TMC7: variants seen among roughly 807,000 people sequenced by gnomAD.
TMC7 encodes the protein transmembrane channel-like protein 7.
A neutral mutation model predicts 82.9 loss-of-function variants in TMC7; 54 were observed. That is an observed-to-expected ratio of 0.65 (90% confidence interval 0.52 to 0.82). TMC7 has a LOEUF of 0.82. Ranked by LOEUF, TMC7 falls within the 40% of genes least tolerant of loss-of-function variation. TMC7 has a pLI of 0.00. For missense variants in TMC7, 820 were observed against 901.2 expected (o/e 0.91, Z 1.15); for synonymous variants, 350 against 337.9 (o/e 1.04, Z -0.39).
intron 12 of TMC7, among the ~76,000 whole-genome samples, chr16:19,047,845 C>A (rs958203984): frequency 6.7e-6 from 1 of 150,254 alleles, no homozygotes; most frequent in Admixed American, 6.7e-5. Flanking sequence ...TCCTGAGTAG[C>A]TGGGATTACA....
intron 1 of TMC7, among the ~76,000 whole-genome samples, chr16:18,995,770 G>A (rs1292258569): frequency 1.3e-5 from 2 of 152,170 alleles, no homozygotes; most frequent in Non-Finnish European, 2.9e-5. Flanking sequence ...CACCTTGAAA[G>A]CGAGGTTAAT....
intron 9 of TMC7, among the ~76,000 whole-genome samples, chr16:19,041,206 C>G (rs1165196917): frequency 6.6e-6 from 1 of 151,408 alleles, no homozygotes; most frequent in African/African-American, 2.4e-5. Context: ...TCAAAGTTTT[C>G]AAACAGAATG....
At chr16:19,034,458 C>T (rs569638790) in intron 6 of TMC7, among the ~76,000 whole-genome samples, 6 of 148,120 alleles carry the variant, frequency 4.1e-5, no homozygotes, top group East Asian at 3.9e-4. Context: ...ATTAGCTGGG[C>T]GTGGTGGCAG....
chr16:19,023,321 T>C, intron 5 of TMC7, 126 bp downstream of exon 5: 1 of 521,794 alleles, frequency 1.9e-6, no homozygotes, highest in Non-Finnish European at 3.4e-6. Context: ...CATGTACCAG[T>C]AAATGAAACA....
intron 1 of TMC7, among the ~76,000 whole-genome samples, chr16:19,001,796 A>G (rs2039145783): frequency 6.6e-6 from 1 of 152,250 alleles, no homozygotes; most frequent in African/African-American, 2.4e-5. Flanking sequence ...ATCAAAGCAC[A>G]GAGCAAGTCT....
chr16:19,057,597 C>T (rs1961831246), intron 14 of TMC7, among the ~76,000 whole-genome samples: 1 of 152,248 alleles, frequency 6.6e-6, no homozygotes, highest in Admixed American at 6.5e-5. Flanking sequence ...GACTCAAATT[C>T]GTAGGATCCA....
Position 19,056,565 on chromosome 16 carries a change from G to A in TMC7, c.1895G>A (p.Gly632Glu). 1 of 1,613,998 alleles carries A rather than the reference G, an allele frequency of 6.2e-7. No individual in the cohort carries two copies. Among genetic ancestry groups the A allele is most frequent in the Non-Finnish European group, 8.5e-7 (1 of 1,179,962 alleles). Residue 632 changes from glycine (G) to glutamate (E), a missense_variant, in exon 14 of 16, where the codon GGG becomes GAG. Coordinates refer to ENST00000304381, the MANE Select transcript of TMC7 (RefSeq NM_024847.4). ...ISRIPSSKAC[G>E]PFTNFNTTWE... ...AGCATCCCTTCCTCGAAAGCCTGTG[G>A]GCCGTTCACCAACTTCAACACCACC...
At chr16:19,042,668 C>T (rs1189183507) in intron 9 of TMC7, among the ~76,000 whole-genome samples, 2 of 151,598 alleles carry the variant, frequency 1.3e-5, no homozygotes, top group Admixed American at 6.6e-5. Context: ...GCACCACGCC[C>T]GGCTAATTTT....
In TMC7 at chr16:19,050,380, A is replaced by C. The variant is rs940264334; in HGVS notation, c.1741-1306A>C. ...AGATTCCGTCTCAAAAAAAAAAAAA[A>C]AAAAAAAAAAAACCAAAAAAAACAA... On this transcript the variant is annotated intron_variant, in intron 12 of 15. Coordinates refer to ENST00000304381, the MANE Select transcript of TMC7 (RefSeq NM_024847.4). 3.3e-5 allele frequency among the ~76,000 whole-genome samples: 5 copies of C among 151,600 alleles called. No homozygotes were observed. In the South Asian group the frequency reaches 8.3e-4, roughly 25 times the overall value.
intron 2 of TMC7, among the ~76,000 whole-genome samples, chr16:19,010,320 A>G (rs2039319719): frequency 6.6e-6 from 1 of 151,506 alleles, no homozygotes; most frequent in Admixed American, 6.6e-5. Context: ...ATGCCCAGCT[A>G]ATTTTGTATT....
Position 19,021,872 on chromosome 16 carries a change from A to G in TMC7, c.628+76A>G, listed in dbSNP as rs1959994680. ...ACCTTGCTACAATGCTTCCTTTGCT[A>G]AGAATCTTTATTCTAATTCTTGGGC... is the stretch of plus-strand genomic sequence containing the variant. On this transcript the variant is annotated intron_variant, in intron 4 of 15. Coordinates refer to ENST00000304381, the MANE Select transcript of TMC7 (RefSeq NM_024847.4). 5 of 1,511,324 alleles carry G rather than the reference A, an allele frequency of 3.3e-6. No individual in the cohort carries two copies. The East Asian group carries it at 1.1e-4, about 34-fold the overall frequency. The allele number at this position is 1,511,324 out of a possible 1,614,324, so 93.6% of individuals were successfully genotyped here. A position where few individuals can be genotyped will look rare whatever the true frequency, so the allele number is the denominator to read the frequency against.
intron 13 of TMC7, among the ~76,000 whole-genome samples, chr16:19,053,307 C>CTTTTTTTTTTTTTTTTTTTTTTTTTTTTT (rs11409750): frequency 6.7e-6 from 1 of 148,424 alleles, no homozygotes. Flanking sequence ...CATTAATATT[C>CTTTTTTTTTTTTTTTTTTTTTTTTTTTTT]TTTTTTTTTT....
chr16:19,008,605 C>G (rs192634433), intron 1 of TMC7, among the ~76,000 whole-genome samples: 65 of 152,320 alleles, frequency 4.3e-4, no homozygotes, highest in African/African-American at 1.5e-3. Flanking sequence ...CCCAGCATCA[C>G]TTCTGCTGTG....
At chr16:18,999,359 C>A (rs1389346692) in intron 1 of TMC7, among the ~76,000 whole-genome samples, 2 of 152,202 alleles carry the variant, frequency 1.3e-5, no homozygotes, top group Non-Finnish European at 2.9e-5. Context: ...TTGGACAGTG[C>A]AGATATAGAA....
Position 19,010,902 on chromosome 16 carries a change from G to A in TMC7, c.311+1487G>A, listed in dbSNP as rs186062071. On this transcript the variant is annotated intron_variant, in intron 2 of 15. Coordinates refer to ENST00000304381, the MANE Select transcript of TMC7 (RefSeq NM_024847.4). ...AACAGCTGGAGCCCAAGAGAGGATC[G>A]GAAGCCTGCAGAACCTCTTGGGACT... Among the ~76,000 whole-genome samples, 37 of 152,222 alleles carry A rather than the reference G, an allele frequency of 2.4e-4. No individual in the cohort carries two copies. The East Asian group carries it at 5.0e-3, about 21-fold the overall frequency.
intron 1 of TMC7, 126 bp downstream of exon 1, chr16:18,984,256 G>A (rs762291256): frequency 1.2e-4 from 159 of 1,340,820 alleles, no homozygotes; most frequent in Non-Finnish European, 1.5e-4. Flanking sequence ...GGTGCTCCCG[G>A]CTCTGGGGAA....
In TMC7 at chr16:19,045,380, A is replaced by T. The variant is rs754060171; in HGVS notation, c.1495A>T (p.Met499Leu). 20 of 1,613,964 alleles carry T rather than the reference A, an allele frequency of 1.2e-5. No homozygotes were observed. The highest frequency in any genetic ancestry group is 1.7e-5 in the Non-Finnish European group (20 of 1,179,974). ...AGTTGGGCAGGAAATGTACAAGCTG[A>T]TGATCTTCGACTTCATCATCATCTT... ...TQVGQEMYKL[M>L]IFDFIIILAV... The change falls in exon 11 of 16, where the codon ATG becomes TTG. Residue 499 changes from methionine (M) to leucine (L), a missense_variant. Around this residue, in one of 2 missense-constraint regions of TMC7, gnomAD observed 650 missense variants for 669.9 expected, o/e 0.97. Coordinates refer to ENST00000304381, the MANE Select transcript of TMC7 (RefSeq NM_024847.4).
In TMC7 at chr16:19,023,194, C is replaced by T; in HGVS notation, c.710C>T (p.Thr237Ile). 6.3e-6 allele frequency: 10 copies of T among 1,584,292 alleles called. No homozygotes were observed. The highest frequency in any genetic ancestry group is 8.7e-6 in the Non-Finnish European group (10 of 1,154,788). Residue 237 changes from threonine (T) to isoleucine (I), a missense_variant and splice_region_variant, in exon 5 of 16, where the codon ACT (threonine) becomes ATT (isoleucine). Thr to Ile is a moderately conservative substitution (Grantham distance 89). Coordinates refer to ENST00000304381, the MANE Select transcript of TMC7 (RefSeq NM_024847.4). ...YSYIIDLLSG[T>I]GFLEETSLFY... The stretch of plus-strand genomic sequence containing the variant: ...TATATCATAGACTTGCTTTCTGGCA[C>T]TGTAAGTATTTAACATAATCCTTTG...
chr16:19,016,457 C>T lies in TMC7; in HGVS notation c.319C>T (p.Gln107Ter). The T allele has an allele frequency of 6.2e-7, 1 of 1,614,064 alleles. No individual in the cohort carries two copies. Among genetic ancestry groups the T allele is most frequent in the Non-Finnish European group, 8.5e-7 (1 of 1,180,000 alleles). ...ISEKRRLRDI[Q>*]ETQMKYLSEW... ...ATCATGTTTTCCATGCAGGGACATT[C>T]AAGAGACACAAATGAAGTATCTCTC... Residue 107 changes from glutamine to a stop codon, truncating the protein, a stop_gained, in exon 3 of 16, where the codon CAA (glutamine) becomes TAA (stop). Coordinates refer to ENST00000304381, the MANE Select transcript of TMC7 (RefSeq NM_024847.4). LOFTEE classifies it high-confidence loss of function.
Sources: gnomAD v4.1 joint callset for allele counts (sites outside exome capture counted in the v4.1 genomes callset) on GRCh38, gnomAD v4.1.1 for gene constraint, gnomAD v4.1.1 regional missense constraint, MANE v1.5 for transcripts, NCBI Gene and HGNC (gene_info 2026-07-23, HGNC 2026-07-21) for gene names.